The following ATPAF1 variants were observed in gnomAD, a reference collection of about 807,000 sequenced individuals.
ATPAF1 encodes the protein homolog of yeast ATP11.
Under a neutral mutation model 43.9 loss-of-function variants are expected in ATPAF1, and 26 were observed. That is an observed-to-expected ratio of 0.59 (90% CI 0.43 to 0.82). The LOEUF (loss-of-function observed/expected upper bound fraction) is 0.82, where lower values mean the gene tolerates loss of function less well. ATPAF1 is among the 40% of genes least tolerant of loss of function. The probability of loss-of-function intolerance (pLI) is 0.00; values close to 1 mark genes in which losing one functional copy is unlikely to be tolerated. For synonymous variants in ATPAF1, 157 were observed against 168.0 expected (o/e 0.93, Z 0.50); for missense variants, 366 against 435.0 (o/e 0.84, Z 1.41).
At chr1:46,655,626 A>G (rs1447329876) in intron 4 of ATPAF1, among the ~76,000 whole-genome samples, 1 of 152,176 alleles carries the variant, frequency 6.6e-6, no homozygotes, top group Non-Finnish European at 1.5e-5. Context: ...TACCATTAAT[A>G]TCATATGGAT....
Position 46,653,675 on chromosome 1 carries a change from G to T in ATPAF1, c.540+142C>A, listed in dbSNP as rs1676210791. The T allele has an allele frequency of 4.7e-6, 3 of 635,714 alleles. No individual in the cohort carries two copies. The highest frequency in any genetic ancestry group is 5.3e-6 in the Non-Finnish European group (2 of 377,694). The allele number at this position is 635,714 out of a possible 1,614,324, so 39.4% of individuals were successfully genotyped here. On this transcript the variant is annotated intron_variant, in intron 5 of 8. Coordinates refer to ENST00000574428, the Ensembl canonical transcript of ATPAF1. This position sits in a 1 kb window ranked among gnomAD's most constrained non-coding sequence, Gnocchi z 4.8. ...GAGCTTCCAATCTCTGGTGCTCAGG[G>T]CATAATAAAAACTCTCAGGGCTGTA...
At chr1:46,650,951 G>T (rs12087698) in intron 6 of ATPAF1, among the ~76,000 whole-genome samples, 6,543 of 152,026 alleles carry the variant, frequency 0.043, 437 homozygotes, top group African/African-American at 0.15. Context: ...ACGGCACTAT[G>T]GAGTACTATA....
chr1:46,665,895 G>T, intron 1 of ATPAF1: 1 of 1,392,252 alleles, frequency 7.2e-7, no homozygotes, highest in African/African-American at 1.5e-5. Context: ...AGCTGCTCTT[G>T]GAGATGAAAC....
At chr1:46,645,120 G>A (rs1003744006) in intron 7 of ATPAF1, 41 bp downstream of exon 7, 1 of 1,512,096 alleles carries the variant, frequency 6.6e-7, no homozygotes, top group Non-Finnish European at 9.2e-7. Flanking sequence ...CTACCAAGGG[G>A]TAGTCCTCTT....
rs1491019565 is a variant in ATPAF1, at chr1:46,654,559, TTG to T, written c.490-694_490-693del. Among the ~76,000 whole-genome samples the T allele has an allele frequency of 5.3e-3, 776 of 147,454 alleles. 9 individuals are homozygous for T. Among genetic ancestry groups the T allele is most frequent in the Admixed American group, 0.03 (441 of 14,718 alleles). On this transcript the variant is annotated intron_variant, in intron 4 of 8. Transcript: ENST00000574428. ...ATTATTATTATTATTATTATTATTA[TTG>T]TACTTTAAGTTCTAGGGTACATGTG...
chr1:46,668,050 C>A lies in ATPAF1; in HGVS notation c.266+7G>T. The A allele has an allele frequency of 1.4e-6, 2 of 1,396,546 alleles. No homozygotes were observed. Among genetic ancestry groups the A allele is most frequent in the South Asian group, 3.3e-5 (2 of 60,932 alleles). The allele number at this position is 1,396,546 out of a possible 1,614,324, so 86.5% of individuals were successfully genotyped here. On this transcript the variant is annotated splice_region_variant and intron_variant, in intron 1 of 8. Transcript: ENST00000574428. This position sits in a 1 kb window ranked among gnomAD's most constrained non-coding sequence, Gnocchi z 4.4. ...CCTGCCCGCCTCCAGCCAACCCAGGCCCGCACCTGCGCAGCAGCTGGATCT... is the reference window on the plus strand; with the variant it reads ...CCTGCCCGCCTCCAGCCAACCCAGGACCGCACCTGCGCAGCAGCTGGATCT...
chr1:46,647,289 C>G (rs190782210), intron 6 of ATPAF1, among the ~76,000 whole-genome samples: 3 of 152,172 alleles, frequency 2.0e-5, no homozygotes, highest in African/African-American at 7.2e-5. Context: ...TGCAGCCACC[C>G]AATACGACAT....
At position 46,653,780 on chromosome 1, in the gene ATPAF1, G is replaced by A. The variant is rs532268293; in HGVS notation, c.540+37C>T. 351 of 1,594,870 alleles carry A rather than the reference G, an allele frequency of 2.2e-4. 3 individuals are homozygous for A. The South Asian group carries it at 3.7e-3, about 17-fold the overall frequency. On this transcript the variant is annotated intron_variant, in intron 5 of 8. Coordinates refer to ENST00000574428, the Ensembl canonical transcript of ATPAF1. This position sits in a 1 kb window ranked among gnomAD's most constrained non-coding sequence, Gnocchi z 4.8. ...CTAAGGTTAGAGAACTGACTTTCAT[G>A]TTGTAACACTTTCACTTTGCCCTCC...
At chr1:46,654,693 C>A (rs977806013) in intron 4 of ATPAF1, among the ~76,000 whole-genome samples, 2 of 151,948 alleles carry the variant, frequency 1.3e-5, no homozygotes, top group Admixed American at 1.3e-4. Flanking sequence ...CTCCCCCAGC[C>A]CTCCACCCCC....
chr1:46,638,138 C>T (rs901307918), intron 8 of ATPAF1, among the ~76,000 whole-genome samples: 11 of 152,216 alleles, frequency 7.2e-5, no homozygotes, highest in Admixed American at 2.0e-4. Flanking sequence ...TTATCTGAAG[C>T]TTGGGGTGGG....
At chr1:46,642,395 G>C (rs912140742) in intron 8 of ATPAF1, among the ~76,000 whole-genome samples, 1 of 152,200 alleles carries the variant, frequency 6.6e-6, no homozygotes, top group Non-Finnish European at 1.5e-5. Flanking sequence ...CTTAACCTCT[G>C]CCAGATAAAA....
intron 6 of ATPAF1, among the ~76,000 whole-genome samples, chr1:46,650,988 CT>C (rs1353962000): frequency 6.6e-6 from 1 of 151,814 alleles, no homozygotes; most frequent in Non-Finnish European, 1.5e-5. Context: ...TGTATATTTT[CT>C]TTTTATTTAT....
At chr1:46,667,315 C>T (rs1202413772) in intron 1 of ATPAF1, among the ~76,000 whole-genome samples, 1 of 152,168 alleles carries the variant, frequency 6.6e-6, no homozygotes, top group African/African-American at 2.4e-5. Context: ...TCTTACCCTG[C>T]TAAATTCTCT....
At chr1:46,667,977 C>T in intron 1 of ATPAF1, 80 bp downstream of exon 1, 2 of 1,175,084 alleles carry the variant, frequency 1.7e-6, no homozygotes, top group Non-Finnish European at 2.2e-6. Flanking sequence ...GCCCACCTCA[C>T]AGGGCTGTCC....
chr1:46,641,117 G>A (rs951198546), intron 8 of ATPAF1, among the ~76,000 whole-genome samples: 3 of 151,860 alleles, frequency 2.0e-5, no homozygotes, highest in Non-Finnish European at 2.9e-5. Flanking sequence ...TGGGTCTGTC[G>A]CTCAGGCTGG....
chr1:46,661,089 T>G (rs74472098), intron 2 of ATPAF1, among the ~76,000 whole-genome samples: 4 of 151,674 alleles, frequency 2.6e-5, no homozygotes, highest in Admixed American at 6.6e-5. Flanking sequence ...TTTTTTTTTT[T>G]GGAGACAGAG....
chr1:46,665,748 T>A, intron 1 of ATPAF1: 2 of 1,518,552 alleles, frequency 1.3e-6, no homozygotes, highest in Non-Finnish European at 1.8e-6. Flanking sequence ...CTTGAATACA[T>A]CCAGTTCTTG....
intron 6 of ATPAF1, among the ~76,000 whole-genome samples, chr1:46,651,471 T>A (rs1278820056): frequency 6.6e-6 from 1 of 152,214 alleles, no homozygotes; most frequent in African/African-American, 2.4e-5. Flanking sequence ...CGTGTGCATG[T>A]GTCTTTATAG....
Position 46,653,729 on chromosome 1 carries a change from A to G in ATPAF1, c.540+88T>C, listed in dbSNP as rs1225804241. On this transcript the variant is annotated intron_variant, in intron 5 of 8. Transcript: ENST00000574428. The surrounding 1 kb of genome is among the most constrained non-coding windows in gnomAD (Gnocchi z 4.8). ...TGCAGCTTCTCAAGAGGCAATAAAC[A>G]TAGGAAAAGTAAAGGCAACTGCCTG... The G allele has an allele frequency of 3.1e-5, 40 of 1,285,682 alleles. No individual in the cohort carries two copies. The highest frequency in any genetic ancestry group is 4.1e-5 in the Non-Finnish European group (37 of 910,402). The allele number at this position is 1,285,682 out of a possible 1,614,324, so 79.6% of individuals were successfully genotyped here.
Sources: allele counts gnomAD v4.1 joint callset (sites outside exome capture counted in the v4.1 genomes callset), GRCh38; gene constraint gnomAD v4.1.1; non-coding constraint Gnocchi (gnomAD v3.1); transcripts MANE v1.5; gene names NCBI Gene and HGNC (gene_info 2026-07-23, HGNC 2026-07-21).